Variants in DOCK5 observed in about 807,000 individuals in gnomAD.
The protein encoded by DOCK5 is dedicator of cytokinesis 5.
Under a neutral mutation model 251.8 loss-of-function variants are expected in DOCK5, and 142 were observed. The ratio of observed to expected loss-of-function variants is 0.56; its 90% CI spans 0.49 to 0.65. DOCK5 has a LOEUF of 0.65. Ranked by LOEUF, DOCK5 falls within the 30% of genes least tolerant of loss-of-function variation. The pLI, the probability that DOCK5 is intolerant of heterozygous loss-of-function variation, is 0.00. For missense variants in DOCK5, 2,111 were observed against 2,312.3 expected (o/e 0.91, Z 1.79); for synonymous variants, 842 against 835.5 (o/e 1.01, Z -0.13).
At chr8:25,316,339 G>A (rs752487100) in intron 13 of DOCK5, among the ~76,000 whole-genome samples, 2 of 152,150 alleles carry the variant, frequency 1.3e-5, no homozygotes, top group Non-Finnish European at 1.5e-5. Flanking sequence ...ACATTAGCCA[G>A]GTGTGGTGAT....
At chr8:25,382,268 C>A (rs148869562) in intron 39 of DOCK5, among the ~76,000 whole-genome samples, 65 of 152,300 alleles carry the variant, frequency 4.3e-4, no homozygotes, top group African/African-American at 1.5e-3. Context: ...TGAGCCACTG[C>A]GCCTGGCCTT....
In DOCK5 at chr8:25,369,477, T is replaced by C. The variant is rs949625339; in HGVS notation, c.3439-79T>C. The stretch of plus-strand genomic sequence containing the variant: ...AACAGTTCACAACTCAGCGAATGGG[T>C]TGGCCAAGTCTAGAAAGTTGGCCAT... On this transcript the variant is annotated intron_variant, in intron 33 of 51. Transcript: ENST00000276440. The C allele has an allele frequency of 1.3e-5, 16 of 1,274,486 alleles. No homozygotes were observed. The African/African-American group carries it at 2.1e-4, about 16-fold the overall frequency. The allele number at this position is 1,274,486 out of a possible 1,614,324, so 78.9% of individuals were successfully genotyped here. A position where few individuals can be genotyped will look rare whatever the true frequency, so the allele number is the denominator to read the frequency against.
intron 3 of DOCK5, among the ~76,000 whole-genome samples, 182 bp from the exon 4 acceptor site, chr8:25,275,204 G>A (rs747660099): frequency 4.6e-5 from 7 of 152,106 alleles, no homozygotes; most frequent in African/African-American, 7.2e-5. Flanking sequence ...CCTTTTTGAT[G>A]TTTCCACCAT....
At chr8:25,220,844 TC>T (rs1344239726) in intron 1 of DOCK5, among the ~76,000 whole-genome samples, 1 of 152,136 alleles carries the variant, frequency 6.6e-6, no homozygotes, top group Non-Finnish European at 1.5e-5. Context: ...CTTCAGGTGA[TC>T]CGCCCACCTT....
intron 5 of DOCK5, among the ~76,000 whole-genome samples, chr8:25,285,471 G>A (rs1486174564): frequency 6.6e-6 from 1 of 152,090 alleles, no homozygotes; most frequent in Non-Finnish European, 1.5e-5. Context: ...TTGCTAACAT[G>A]TAGTTTGTAC....
In DOCK5 at chr8:25,379,881, C is replaced by T. The variant is rs935836099; in HGVS notation, c.3937-424C>T. Reference sequence around the variant, plus strand: ...ACACACACACACACACACCCATACACACACCTGTACACACACATTTCAGAA... The same window carrying T: ...ACACACACACACACACACCCATACATACACCTGTACACACACATTTCAGAA... On this transcript the variant is annotated intron_variant, in intron 38 of 51. Transcript: ENST00000276440. Among the ~76,000 whole-genome samples, 5 of 151,474 alleles carry T rather than the reference C, an allele frequency of 3.3e-5. No individual in the cohort carries two copies. In the East Asian group the frequency reaches 9.7e-4, roughly 29 times the overall value.
At chr8:25,191,144 G>A (rs566722576) in intron 1 of DOCK5, among the ~76,000 whole-genome samples, 1 of 152,062 alleles carries the variant, frequency 6.6e-6, no homozygotes, top group African/African-American at 2.4e-5. Flanking sequence ...GACATGTGGG[G>A]TCTTGGAGAC....
intron 1 of DOCK5, among the ~76,000 whole-genome samples, chr8:25,186,571 G>T (rs1801436685): frequency 6.6e-6 from 1 of 152,032 alleles, no homozygotes; most frequent in Non-Finnish European, 1.5e-5. Flanking sequence ...TAGAAACCAG[G>T]TTTCGCCATC....
chr8:25,191,832 A>G (rs1441574390), intron 1 of DOCK5, among the ~76,000 whole-genome samples: 2 of 152,092 alleles, frequency 1.3e-5, no homozygotes, highest in African/African-American at 4.8e-5. Context: ...CAGTTTTGTT[A>G]CATATGTATA....
At chr8:25,364,912 CAT>C (rs1586365298) in intron 30 of DOCK5, 6 of 422,088 alleles carry the variant, frequency 1.4e-5, no homozygotes, top group Non-Finnish European at 4.2e-6. Flanking sequence ...ATAAAGGTAA[CAT>C]ATGTAAAAAA....
intron 14 of DOCK5, 147 bp downstream of exon 14, chr8:25,317,278 A>G: frequency 8.0e-7 from 1 of 1,248,844 alleles, no homozygotes; most frequent in Non-Finnish European, 1.1e-6. Flanking sequence ...TAAATTTGTG[A>G]TTAGCAGTGA....
At chr8:25,305,850 A>G (rs945827203) in intron 11 of DOCK5, among the ~76,000 whole-genome samples, 4 of 152,222 alleles carry the variant, frequency 2.6e-5, no homozygotes, top group Non-Finnish European at 4.4e-5. Flanking sequence ...AATGTACTCC[A>G]TGATTAACAG....
intron 7 of DOCK5, among the ~76,000 whole-genome samples, chr8:25,298,412 G>C (rs1804673168): frequency 6.6e-6 from 1 of 152,096 alleles, no homozygotes; most frequent in African/African-American, 2.4e-5. Flanking sequence ...CAAAACCCTG[G>C]AATTATCACC....
chr8:25,388,410 T>C (rs951547871), intron 40 of DOCK5, among the ~76,000 whole-genome samples: 1 of 152,150 alleles, frequency 6.6e-6, no homozygotes, highest in African/African-American at 2.4e-5. Context: ...TGAGACAAAT[T>C]ACTCCCATGC....
intron 44 of DOCK5, among the ~76,000 whole-genome samples, chr8:25,394,908 A>C (rs1021825052): frequency 4.6e-5 from 7 of 152,002 alleles, no homozygotes; most frequent in African/African-American, 1.7e-4. Context: ...GCTTTCCTGG[A>C]AGACAATTTT....
In DOCK5 at chr8:25,363,119, G is replaced by A. The variant is rs1800716264; in HGVS notation, c.3022G>A (p.Val1008Met). 6.2e-7 allele frequency: 1 copy of A among 1,614,036 alleles called. No individual in the cohort carries two copies. The highest frequency in any genetic ancestry group is 1.1e-5 in the South Asian group (1 of 91,092). Residue 1008 changes from valine (V) to methionine (M), a missense_variant, in exon 29 of 52, where the codon GTG becomes ATG. This residue lies in a region of DOCK5 where 1,717 missense variants were observed against 1,892.4 expected (regional missense o/e 0.91). Coordinates refer to ENST00000276440, the MANE Select transcript of DOCK5 (RefSeq NM_024940.8). Reference sequence around the variant, plus strand: ...GAATGTCTATGCCAAAGATTGGATGGTGATGAATATGACTCAAAACAGGTG... The same window carrying A: ...GAATGTCTATGCCAAAGATTGGATGATGATGAATATGACTCAAAACAGGTG... ...GKNVYAKDWM[V>M]MNMTQNRVFL...
chr8:25,273,718 A>G (rs993862140), intron 3 of DOCK5, among the ~76,000 whole-genome samples: 1 of 152,222 alleles, frequency 6.6e-6, no homozygotes, highest in Non-Finnish European at 1.5e-5. Context: ...ATAGAATTCC[A>G]TGGCCAAACT....
At chr8:25,220,650 C>T (rs569727451) in intron 1 of DOCK5, among the ~76,000 whole-genome samples, 12 of 152,270 alleles carry the variant, frequency 7.9e-5, no homozygotes, top group African/African-American at 2.2e-4. Flanking sequence ...CTTGCTGTGT[C>T]GCCCAGGTTG....
intron 45 of DOCK5, among the ~76,000 whole-genome samples, chr8:25,397,771 TATG>T (rs1209523326): frequency 1.5e-5 from 2 of 130,212 alleles, no homozygotes; most frequent in African/African-American, 5.0e-5. Context: ...CATAATATCA[TATG>T]AAGTTTTTCC....
Sources: gnomAD v4.1 joint callset for allele counts (sites outside exome capture counted in the v4.1 genomes callset) on GRCh38, gnomAD v4.1.1 for gene constraint, gnomAD v4.1.1 regional missense constraint, MANE v1.5 for transcripts, NCBI Gene and HGNC (gene_info 2026-07-23, HGNC 2026-07-21) for gene names.